The following IL17REL variants were observed in gnomAD, a reference collection of about 807,000 sequenced individuals.
IL17REL encodes interleukin 17 receptor E like.
In IL17REL, 36 loss-of-function variants were observed where a neutral mutation model predicts 49.0. That is an observed-to-expected ratio of 0.73 (90% CI 0.56 to 0.97). The LOEUF (loss-of-function observed/expected upper bound fraction) is 0.97. Among genes scored for constraint, IL17REL ranks in the 50% least tolerant of loss-of-function variants. The pLI is 0.00. For missense variants in IL17REL, 470 were observed against 453.9 expected (o/e 1.04, Z -0.32); for synonymous variants, 206 against 192.4 (o/e 1.07, Z -0.58).
At chr22:49,996,960 A>G (rs2061038883) in intron 12 of IL17REL, 34 bp downstream of exon 14, 2 of 1,146,460 alleles carry the variant, frequency 1.7e-6, no homozygotes, top group Admixed American at 2.8e-5. Flanking sequence ...AGTGGAGGAG[A>G]TGGCTAGGGG....
rs2061077717 is a variant in IL17REL at position 50,001,134 on chromosome 22, G to A, written c.57C>T (p.Pro19=). The change falls in exon 2 of 13, where the codon CCC becomes CCT. Residue 19 remains proline, a synonymous_variant. Transcript: ENST00000341280. ...GCAGGAGCATCGCGCAGCCGTCAGA[G>A]GGGACACACTGCATGGCAGTGGAGG... 6 of 1,606,830 alleles carry A rather than the reference G, an allele frequency of 3.7e-6. No individual in the cohort carries two copies. In the Admixed American group the frequency reaches 8.5e-5, roughly 23 times the overall value.
At chr22:50,004,649 T>C (rs1370854847) in intron 1 of IL17REL, among the ~76,000 whole-genome samples, 27 of 151,122 alleles carry the variant, frequency 1.8e-4, no homozygotes, top group East Asian at 1.4e-3. Flanking sequence ...TCACCAGAGG[T>C]CAGGGGTTCG....
chr22:50,001,636 G>T (rs750665028), intron 1 of IL17REL, among the ~76,000 whole-genome samples: 88 of 152,390 alleles, frequency 5.8e-4, no homozygotes, highest in Non-Finnish European at 3.7e-4. Flanking sequence ...GCGACCCCAA[G>T]GTTGCTGCAG....
intron 4 of IL17REL, 73 bp from the exon 7 acceptor site, chr22:50,000,040 G>A: frequency 7.3e-7 from 1 of 1,378,152 alleles, no homozygotes; most frequent in Non-Finnish European, 9.5e-7. Flanking sequence ...TGTCCCGAGA[G>A]CCCCGACGTG....
chr22:49,997,662 C>A, intron 10 of IL17REL, 23 bp downstream of exon 12: 1 of 1,607,908 alleles, frequency 6.2e-7, no homozygotes, highest in Non-Finnish European at 8.5e-7. Context: ...GTCCACATTG[C>A]GTAGGCCTCA....
chr22:49,999,469 G>A, exon 6 of IL17REL: 2 of 1,610,950 alleles, frequency 1.2e-6, no homozygotes. Flanking sequence ...CTGTAGGGCA[G>A]GAAGACGGCC....
intron 11 of IL17REL, 57 bp from the exon 14 acceptor site, chr22:49,997,131 A>G (rs2061040284): frequency 1.3e-6 from 2 of 1,500,714 alleles, no homozygotes; most frequent in South Asian, 1.2e-5. Flanking sequence ...CAGGCTAAAC[A>G]CTGTCCTTCT....
exon 12 of IL17REL, chr22:49,996,994 C>T: frequency 1.3e-6 from 2 of 1,502,470 alleles, no homozygotes; most frequent in Non-Finnish European, 1.8e-6. Context: ...CGACACCCAC[C>T]TGGATGCAGA....
Position 49,997,546 on chromosome 22 carries a change from C to T in IL17REL, c.878-130G>A, listed in dbSNP as rs184714162. ...GCACCCCACCGCCTCCCTTCCTTCCCCAGTGGGCCTGGCGCCTGCCCACTG... is the reference window on the plus strand; with the variant it reads ...GCACCCCACCGCCTCCCTTCCTTCCTCAGTGGGCCTGGCGCCTGCCCACTG... On this transcript the variant is annotated intron_variant, in intron 10 of 12. Transcript: ENST00000341280. The T allele has an allele frequency of 4.1e-4, 545 of 1,329,862 alleles. 6 individuals are homozygous for T. In the East Asian group the frequency reaches 0.012, roughly 29 times the overall value. The allele number at this position is 1,329,862 out of a possible 1,614,324, so 82.4% of individuals were successfully genotyped here.
At chr22:50,001,736 G>A (rs2061081480) in intron 1 of IL17REL, among the ~76,000 whole-genome samples, 1 of 152,246 alleles carries the variant, frequency 6.6e-6, no homozygotes, top group South Asian at 2.1e-4. Flanking sequence ...ACGCCATTCT[G>A]AGCAGCCTCA....
upstream of IL17REL, among the ~76,000 whole-genome samples, chr22:50,010,275 G>C (rs1281089758): frequency 4.6e-5 from 7 of 152,240 alleles, no homozygotes; most frequent in Non-Finnish European, 1.0e-4. Flanking sequence ...ACGAGGGGCC[G>C]GCGGAGCTGA....
At chr22:49,998,843 G>A (rs1424209738) in intron 7 of IL17REL, among the ~76,000 whole-genome samples, 1 of 152,060 alleles carries the variant, frequency 6.6e-6, no homozygotes, top group Non-Finnish European at 1.5e-5. Context: ...ATGTGTATGT[G>A]TGTGCATGTG....
chr22:50,009,319 G>T (rs1490410576), upstream of IL17REL, among the ~76,000 whole-genome samples: 4 of 152,238 alleles, frequency 2.6e-5, no homozygotes, highest in East Asian at 3.9e-4. Flanking sequence ...CCTGACCAAG[G>T]GCACTCAAAG....
chr22:50,009,726 C>T (rs1235570558), upstream of IL17REL, among the ~76,000 whole-genome samples: 5 of 152,216 alleles, frequency 3.3e-5, no homozygotes, highest in Admixed American at 3.3e-4. Flanking sequence ...AAATAAAAGT[C>T]GGGCCCACTT....
chr22:50,007,546 G>GT (rs1569212502), intron 1 of IL17REL, among the ~76,000 whole-genome samples: 1 of 151,480 alleles, frequency 6.6e-6, no homozygotes, highest in Admixed American at 6.6e-5. Flanking sequence ...AATTTTTTTG[G>GT]GGGGGGGATT....
intron 1 of IL17REL, among the ~76,000 whole-genome samples, chr22:50,002,686 G>T (rs187464245): frequency 7.0e-4 from 107 of 151,980 alleles, no homozygotes; most frequent in Admixed American, 1.0e-3. Flanking sequence ...ATAGAGACAA[G>T]GTTTCACCAT....
At chr22:50,002,767 T>C (rs1280060714) in intron 1 of IL17REL, among the ~76,000 whole-genome samples, 2 of 152,184 alleles carry the variant, frequency 1.3e-5, no homozygotes, top group Non-Finnish European at 2.9e-5. Context: ...AGTGCTGGGA[T>C]AACAGGTGTG....
At chr22:50,010,738 G>T (rs895098499), upstream of IL17REL, among the ~76,000 whole-genome samples, 52 of 152,058 alleles carry the variant, frequency 3.4e-4, no homozygotes, top group African/African-American at 1.2e-3. Context: ...GCGGAACGTC[G>T]CGCGGTTCTG....
upstream of IL17REL, among the ~76,000 whole-genome samples, chr22:50,011,462 C>G (rs916286599): frequency 6.6e-6 from 1 of 152,018 alleles, no homozygotes; most frequent in Non-Finnish European, 1.5e-5. Context: ...GCTTGCACTT[C>G]AAGGCCGCCT....
Sources: allele counts gnomAD v4.1 joint callset (sites outside exome capture counted in the v4.1 genomes callset), GRCh38; gene constraint gnomAD v4.1.1; transcripts MANE v1.5; gene names NCBI Gene and HGNC (gene_info 2026-07-23, HGNC 2026-07-21).